Variants in PTPRO observed in about 807,000 individuals in gnomAD.
The protein encoded by PTPRO is receptor-type tyrosine-protein phosphatase O.
PTPRO carries 62 observed loss-of-function variants against 145.2 expected under a neutral mutation model. The observed-to-expected ratio is 0.43, with a 90% CI of 0.35 to 0.53. The LOEUF (loss-of-function observed/expected upper bound fraction) is 0.53, where lower values mean the gene tolerates loss of function less well. PTPRO is among the 20% of genes least tolerant of loss of function. The probability of loss-of-function intolerance (pLI) is 0.01; values close to 1 mark genes in which losing one functional copy is unlikely to be tolerated. For missense variants in PTPRO, 1,345 were observed against 1,482.7 expected (o/e 0.91, Z 1.53); for synonymous variants, 565 against 514.7 (o/e 1.10, Z -1.32).
At chr12:15,569,283 AG>A in intron 18 of PTPRO, 133 bp from the exon 19 acceptor site, 1 of 754,840 alleles carries the variant, frequency 1.3e-6, no homozygotes, top group Non-Finnish European at 2.1e-6. Flanking sequence ...CAAAAAAAAA[AG>A]GTGAGTGCTA....
At chr12:15,459,951 T>C (rs1272899346) in intron 1 of PTPRO, among the ~76,000 whole-genome samples, 1 of 152,172 alleles carries the variant, frequency 6.6e-6, no homozygotes, top group African/African-American at 2.4e-5. Flanking sequence ...GTGTAGCACA[T>C]GGTTTATGTT....
intron 1 of PTPRO, among the ~76,000 whole-genome samples, chr12:15,435,825 C>T (rs1356846294): frequency 2.0e-5 from 3 of 152,196 alleles, no homozygotes; most frequent in Admixed American, 6.5e-5. Flanking sequence ...CAAATTTTAG[C>T]TGCACCATTG....
At chr12:15,428,858 C>A (rs74069086) in intron 1 of PTPRO, among the ~76,000 whole-genome samples, 3,605 of 152,116 alleles carry the variant, frequency 0.024, 158 homozygotes, top group African/African-American at 0.083. Flanking sequence ...CACATTCCAG[C>A]CAGCAGGAAG....
intron 18 of PTPRO, 55 bp downstream of exon 18, chr12:15,565,683 G>A (rs879101120): frequency 7.3e-6 from 9 of 1,235,498 alleles, no homozygotes; most frequent in South Asian, 5.0e-5. Flanking sequence ...TAATCTTAAC[G>A]TTCCAATTAA....
intron 1 of PTPRO, chr12:15,348,657 G>A (rs1214345479): frequency 1.3e-5 from 2 of 152,120 alleles, no homozygotes; most frequent in East Asian, 1.9e-4. Flanking sequence ...CGTGGTGGCG[G>A]GCGCCCGTAG....
At chr12:15,467,432 A>ATG (rs1941441995) in intron 1 of PTPRO, among the ~76,000 whole-genome samples, 1 of 91,928 alleles carries the variant, frequency 1.1e-5, no homozygotes, top group Non-Finnish European at 2.6e-5. Context: ...GTGTGTGTGT[A>ATG]TGTGTGTGTG....
At chr12:15,363,828 C>T (rs1938280688) in intron 1 of PTPRO, among the ~76,000 whole-genome samples, 1 of 152,136 alleles carries the variant, frequency 6.6e-6, no homozygotes, top group East Asian at 1.9e-4. Context: ...ATCAAAGGAT[C>T]TACGCTGACA....
chr12:15,530,898 G>A (rs1242761534), intron 12 of PTPRO, among the ~76,000 whole-genome samples: 5 of 151,970 alleles, frequency 3.3e-5, no homozygotes, highest in African/African-American at 7.2e-5. Context: ...AAATGAAATT[G>A]AGACTAAAAA....
chr12:15,473,730 G>A (rs1044288695), intron 1 of PTPRO, among the ~76,000 whole-genome samples: 1 of 132,884 alleles, frequency 7.5e-6, no homozygotes, highest in African/African-American at 2.9e-5. Flanking sequence ...CGGTGCCACT[G>A]TGCTCCAGCC....
chr12:15,577,923 C>T (rs923403949), intron 19 of PTPRO, among the ~76,000 whole-genome samples: 14 of 152,166 alleles, frequency 9.2e-5, no homozygotes, highest in African/African-American at 2.9e-4. Context: ...TTAGAAATCC[C>T]CCTTTCCCCA....
chr12:15,454,859 T>C (rs1195310394), intron 1 of PTPRO, among the ~76,000 whole-genome samples: 1 of 151,986 alleles, frequency 6.6e-6, no homozygotes, highest in Non-Finnish European at 1.5e-5. Context: ...TTGTGTGTAG[T>C]CTTGGCATCC....
intron 1 of PTPRO, among the ~76,000 whole-genome samples, chr12:15,393,388 C>T (rs767874295): frequency 5.3e-5 from 8 of 152,172 alleles, no homozygotes; most frequent in Non-Finnish European, 8.8e-5. Context: ...ACTACATCTT[C>T]TGGAACTTCT....
intron 1 of PTPRO, among the ~76,000 whole-genome samples, chr12:15,387,263 AC>A (rs1939054587): frequency 6.6e-6 from 1 of 151,296 alleles, no homozygotes; most frequent in Non-Finnish European, 1.5e-5. Flanking sequence ...CCAAACATAC[AC>A]CCTAACCTCC....
At chr12:15,429,698 A>G (rs1397711536) in intron 1 of PTPRO, among the ~76,000 whole-genome samples, 1 of 152,212 alleles carries the variant, frequency 6.6e-6, no homozygotes, top group Admixed American at 6.5e-5. Context: ...TTAAAGGGTT[A>G]GAGGCAGAGA....
intron 1 of PTPRO, among the ~76,000 whole-genome samples, chr12:15,467,237 C>T (rs138374758): frequency 2.2e-3 from 341 of 152,258 alleles, no homozygotes; most frequent in African/African-American, 7.2e-3. Context: ...GTCCAAACCT[C>T]TCTTCTGAAT....
At chr12:15,443,131 C>G (rs1013686494) in intron 1 of PTPRO, among the ~76,000 whole-genome samples, 2 of 152,076 alleles carry the variant, frequency 1.3e-5, no homozygotes, top group Admixed American at 1.3e-4. Flanking sequence ...GACACGTAGA[C>G]CAATGGAACA....
chr12:15,378,896 G>A (rs781650318), intron 1 of PTPRO, among the ~76,000 whole-genome samples: 1 of 152,034 alleles, frequency 6.6e-6, no homozygotes, highest in Non-Finnish European at 1.5e-5. Flanking sequence ...TTCGAAAGAA[G>A]ATATAAATTA....
intron 12 of PTPRO, among the ~76,000 whole-genome samples, chr12:15,538,690 T>C (rs974650046): frequency 6.6e-6 from 1 of 152,234 alleles, no homozygotes; most frequent in African/African-American, 2.4e-5. Context: ...GTGCCCACTC[T>C]GGAAAAGTTG....
In PTPRO at chr12:15,479,909, C is replaced by T. The variant is rs571072486; in HGVS notation, c.76-4065C>T. ...CTGAATGTGCGGAAAGACCAGGCACCCATGAGCCAAGGGGTCTTCCCTCAG... is the reference window on the plus strand; with the variant it reads ...CTGAATGTGCGGAAAGACCAGGCACTCATGAGCCAAGGGGTCTTCCCTCAG... On this transcript the variant is annotated intron_variant, in intron 1 of 26. Transcript: ENST00000281171. 3.9e-5 allele frequency among the ~76,000 whole-genome samples: 6 copies of T among 152,286 alleles called. No individual in the cohort carries two copies. The South Asian group carries it at 1.2e-3, about 32-fold the overall frequency.
Sources: allele counts gnomAD v4.1 joint callset (sites outside exome capture counted in the v4.1 genomes callset), GRCh38; gene constraint gnomAD v4.1.1; transcripts MANE v1.5; gene names NCBI Gene and HGNC (gene_info 2026-07-23, HGNC 2026-07-21).